Variants in TENM2 observed in about 807,000 individuals in gnomAD.
TENM2 encodes the protein teneurin-2.
A neutral mutation model predicts 245.2 loss-of-function variants in TENM2; 52 were observed. The ratio of observed to expected loss-of-function variants is 0.21; its 90% CI spans 0.17 to 0.27. The LOEUF (loss-of-function observed/expected upper bound fraction) is 0.27, where lower values mean the gene tolerates loss of function less well. TENM2 is among the 10% of genes least tolerant of loss of function. The pLI is 1.00. For synonymous variants in TENM2, 1,363 were observed against 1,438.9 expected, an observed-to-expected ratio of 0.95 and a Z score of 1.19; for missense variants, 3,046 against 3,666.8, an observed-to-expected ratio of 0.83 and a Z score of 4.37.
chr5:167,459,871 G>C (rs1395305442), intron 2 of TENM2, among the ~76,000 whole-genome samples: 1 of 151,002 alleles, frequency 6.6e-6, no homozygotes, highest in Non-Finnish European at 1.5e-5. Flanking sequence ...AAACTAGATA[G>C]GTCCTCAGAC....
chr5:168,166,737 C>A (rs1405414690), intron 13 of TENM2, among the ~76,000 whole-genome samples: 2 of 152,172 alleles, frequency 1.3e-5, no homozygotes, highest in African/African-American at 2.4e-5. Flanking sequence ...CTCTCCTATG[C>A]ATCTAGAATG....
chr5:167,258,291 G>T, the TENM2 span, among the ~76,000 whole-genome samples: 1 of 149,634 alleles, frequency 6.7e-6, no homozygotes, highest in Non-Finnish European at 1.5e-5. Context: ...AAAGTGTTCA[G>T]TTGCAAGTAA....
intron 3 of TENM2, among the ~76,000 whole-genome samples, chr5:167,900,111 T>TAAAAAAAAA (rs71853736): frequency 2.3e-5 from 1 of 43,448 alleles, no homozygotes; most frequent in African/African-American, 1.2e-4. Context: ...CTCAACCCAC[T>TAAAAAAAAA]AAAAAAAAAA....
chr5:167,106,830 T>C, the TENM2 span, among the ~76,000 whole-genome samples: 1 of 152,064 alleles, frequency 6.6e-6, no homozygotes, highest in Non-Finnish European at 1.5e-5. Context: ...AATCAGGAAC[T>C]GATTATCTAT....
chr5:168,011,314 C>A (rs372077724), intron 5 of TENM2, among the ~76,000 whole-genome samples: 5 of 152,188 alleles, frequency 3.3e-5, no homozygotes, highest in East Asian at 3.9e-4. Context: ...TAAGTCAGTG[C>A]GCCCTCACAT....
chr5:167,532,828 A>G (rs199875439), intron 2 of TENM2, among the ~76,000 whole-genome samples: 54 of 133,896 alleles, frequency 4.0e-4, no homozygotes, highest in African/African-American at 7.9e-4. Flanking sequence ...GTGTGTGTGT[A>G]TATATATATA....
intron 2 of TENM2, among the ~76,000 whole-genome samples, chr5:167,641,752 A>G (rs909000956): frequency 6.6e-6 from 1 of 152,174 alleles, no homozygotes; most frequent in African/African-American, 2.4e-5. Flanking sequence ...TCGTCAGTAA[A>G]AAGGGAATTA....
intron 2 of TENM2, among the ~76,000 whole-genome samples, chr5:167,818,017 G>A (rs1767205410): frequency 6.6e-6 from 1 of 152,130 alleles, no homozygotes; most frequent in African/African-American, 2.4e-5. Flanking sequence ...AGAGGGTGCG[G>A]CTCATGGTCA....
chr5:167,989,262 TAGAGAAAGAGAG>T (rs1324144463), intron 4 of TENM2, among the ~76,000 whole-genome samples: 5 of 126,364 alleles, frequency 4.0e-5, no homozygotes, highest in African/African-American at 1.7e-4. Context: ...AGATAGAAGA[TAGAGAAAGAGAG>T]AGAGAGAGAG....
intron 12 of TENM2, among the ~76,000 whole-genome samples, chr5:168,127,378 A>G (rs1795933474): frequency 6.6e-6 from 1 of 152,160 alleles, no homozygotes; most frequent in South Asian, 2.1e-4. Context: ...ATTTTAGGTC[A>G]GGTTAGACGC....
the TENM2 span, among the ~76,000 whole-genome samples, chr5:167,194,483 G>A: frequency 6.6e-6 from 1 of 152,018 alleles, no homozygotes; most frequent in South Asian, 2.1e-4. Flanking sequence ...TACTGGAACT[G>A]TAGACTATTA....
intron 2 of TENM2, among the ~76,000 whole-genome samples, chr5:167,492,023 CATT>C (rs1462982243): frequency 6.6e-6 from 1 of 151,990 alleles, no homozygotes; most frequent in African/African-American, 2.4e-5. Context: ...ATAACTATTG[CATT>C]ATTAGTATTT....
chr5:168,261,251 T>TA (rs1768165226), intron 28 of TENM2, among the ~76,000 whole-genome samples: 1 of 152,038 alleles, frequency 6.6e-6, no homozygotes, highest in South Asian at 2.1e-4. Context: ...AATTTGCGAG[T>TA]GGAGAACTCA....
chr5:167,278,163 G>A, the TENM2 span, among the ~76,000 whole-genome samples: 1 of 151,910 alleles, frequency 6.6e-6, no homozygotes, highest in Non-Finnish European at 1.5e-5. Flanking sequence ...AATTATCCAG[G>A]CATGGTGGCA....
At chr5:167,816,057 A>T (rs1455013441) in intron 2 of TENM2, among the ~76,000 whole-genome samples, 2 of 151,868 alleles carry the variant, frequency 1.3e-5, no homozygotes, top group East Asian at 1.9e-4. Flanking sequence ...GTTGCCCTGG[A>T]GAGTGGTTGC....
intron 2 of TENM2, among the ~76,000 whole-genome samples, chr5:167,724,287 AGT>A (rs1036623956): frequency 2.3e-4 from 34 of 150,544 alleles, no homozygotes; most frequent in African/African-American, 7.8e-4. Flanking sequence ...ATAAATTACT[AGT>A]TTTTTTTTTT....
At chr5:167,262,421 CAA>C in the TENM2 span, among the ~76,000 whole-genome samples, 1 of 149,372 alleles carries the variant, frequency 6.7e-6, no homozygotes, top group African/African-American at 2.5e-5. Context: ...GCACAATAAG[CAA>C]AATAAGAACC....
chr5:167,651,727 A>G (rs1754478050), intron 2 of TENM2, among the ~76,000 whole-genome samples: 1 of 152,150 alleles, frequency 6.6e-6, no homozygotes, highest in South Asian at 2.1e-4. Flanking sequence ...CTCTAACTCT[A>G]AGTGCTTTTG....
intron 2 of TENM2, among the ~76,000 whole-genome samples, chr5:167,847,174 A>C (rs1770122459): frequency 6.6e-6 from 1 of 152,168 alleles, no homozygotes; most frequent in South Asian, 2.1e-4. Flanking sequence ...GTTGATCTTG[A>C]ACTCCTGGGC....
Sources: allele counts gnomAD v4.1 joint callset (sites outside exome capture counted in the v4.1 genomes callset), GRCh38; gene constraint gnomAD v4.1.1; transcripts MANE v1.5; gene names NCBI Gene and HGNC (gene_info 2026-07-23, HGNC 2026-07-21).